ATXN1L: variants seen among roughly 807,000 people sequenced by gnomAD.
The protein encoded by ATXN1L is ataxin-1-like.
A neutral mutation model predicts 43.4 loss-of-function variants in ATXN1L; 8 were observed. The observed-to-expected ratio is 0.18, with a 90% CI of 0.11 to 0.33. ATXN1L has a LOEUF of 0.33. ATXN1L is among the 10% of genes least tolerant of loss of function. The pLI, the probability that ATXN1L is intolerant of heterozygous loss-of-function variation, is 1.00. For synonymous variants in ATXN1L, 379 were observed against 360.6 expected (o/e 1.05, Z -0.58); for missense variants, 856 against 885.4 (o/e 0.97, Z 0.42).
rs1282237029 is a variant in ATXN1L, at chr16:71,852,543, T to C, written c.*733T>C. On this transcript the variant is annotated 3_prime_UTR_variant, in exon 3 of 3. Coordinates refer to ENST00000427980, the MANE Select transcript of ATXN1L (RefSeq NM_001137675.4). The stretch of plus-strand genomic sequence containing the variant: ...CTTGCCAGGGACTCAGTCAGGGGAC[T>C]TTGGGAGAAAGACTTGATAGCCAGG... The C allele has an allele frequency of 3.0e-5, 5 of 167,172 alleles. No individual in the cohort carries two copies. The highest frequency in any genetic ancestry group is 1.2e-4 in the African/African-American group (5 of 41,448). The allele number at this position is 167,172 out of a possible 1,614,324, so 10.4% of individuals were successfully genotyped here.
Position 71,853,128 on chromosome 16 carries a change from C to T in ATXN1L, c.*1318C>T, listed in dbSNP as rs1213412682. The T allele has an allele frequency of 6.0e-6, 1 of 167,186 alleles. No homozygotes were observed. Among genetic ancestry groups the T allele is most frequent in the African/African-American group, 2.4e-5 (1 of 41,460 alleles). 10.4% of individuals were successfully genotyped at this position (167,186 alleles called of 1,614,324 possible). A position where few individuals can be genotyped will look rare whatever the true frequency, so the allele number is the denominator to read the frequency against. ...CATTCTGGTGCCTCCAAGCCATCCC[C>T]TCCCACCACCAGCTCTAAGATTCTA... On this transcript the variant is annotated 3_prime_UTR_variant, in exon 3 of 3. Coordinates refer to ENST00000427980, the MANE Select transcript of ATXN1L (RefSeq NM_001137675.4).
chr16:71,855,793 T>G lies in ATXN1L; in HGVS notation c.*3983T>G, dbSNP rs1472463316. The G allele has an allele frequency of 3.0e-5, 5 of 167,058 alleles. No individual in the cohort carries two copies. Among genetic ancestry groups the G allele is most frequent in the Admixed American group, 2.6e-4 (4 of 15,274 alleles). The allele number at this position is 167,058 out of a possible 1,614,324, so 10.3% of individuals were successfully genotyped here. A position where few individuals can be genotyped will look rare whatever the true frequency, so the allele number is the denominator to read the frequency against. ...GACATCTTGGCCTCCTAGGCTAAGT[T>G]TACTAAACCACACTGAAGCTATAGT... On this transcript the variant is annotated 3_prime_UTR_variant, in exon 3 of 3. Coordinates refer to ENST00000427980, the MANE Select transcript of ATXN1L (RefSeq NM_001137675.4).
In ATXN1L at chr16:71,846,213, A is replaced by G. The variant is rs1597109306; in HGVS notation, c.-180+109A>G. 1.9e-5 allele frequency: 3 copies of G among 156,382 alleles called. No individual in the cohort carries two copies. In the South Asian group the frequency reaches 4.8e-4, roughly 25 times the overall value. 9.7% of individuals were successfully genotyped at this position (156,382 alleles called of 1,614,324 possible). A position where few individuals can be genotyped will look rare whatever the true frequency, so the allele number is the denominator to read the frequency against. On this transcript the variant is annotated intron_variant, in intron 1 of 2. Transcript: ENST00000427980. ...TTGCTCCGGCGGGCCGGGGCCCATG[A>G]ACCGTGGACAGACGGAGGGGAGAGG...
In ATXN1L at chr16:71,856,499, G is replaced by A. The variant is rs1053672814; in HGVS notation, c.*4689G>A. ...TTTACACCCACCCCCTGGGCAGGGAGTTTGCACGTAGTTGTGAGCTGTGAG... is the reference window on the plus strand; with the variant it reads ...TTTACACCCACCCCCTGGGCAGGGAATTTGCACGTAGTTGTGAGCTGTGAG... On this transcript the variant is annotated 3_prime_UTR_variant, in exon 3 of 3. Coordinates refer to ENST00000427980, the MANE Select transcript of ATXN1L (RefSeq NM_001137675.4). 1 of 167,292 alleles carries A rather than the reference G, an allele frequency of 6.0e-6. No homozygotes were observed. The highest frequency in any genetic ancestry group is 6.5e-5 in the Admixed American group (1 of 15,304). 10.4% of individuals were successfully genotyped at this position (167,292 alleles called of 1,614,324 possible).
chr16:71,849,012 C>T (rs1169436731), intron 2 of ATXN1L, among the ~76,000 whole-genome samples: 4 of 151,746 alleles, frequency 2.6e-5, no homozygotes, highest in African/African-American at 4.8e-5. Context: ...GGCAGGCGTT[C>T]GAGACTAGCC....
In ATXN1L at chr16:71,849,763, G is replaced by A. The variant is rs370166513; in HGVS notation, c.23G>A (p.Ser8Asn). 2.8e-5 allele frequency: 42 copies of A among 1,522,950 alleles called. No individual in the cohort carries two copies. In the East Asian group the frequency reaches 7.6e-4, roughly 28 times the overall value. The allele number at this position is 1,522,950 out of a possible 1,614,324, so 94.3% of individuals were successfully genotyped here. The change falls in exon 3 of 3, where the codon AGT becomes AAT. Residue 8 changes from serine to asparagine, a missense_variant. Transcript: ENST00000427980. MKPVHER[S>N]QECLPPKKRD... ...AATATGAAACCTGTTCATGAAAGGA[G>A]TCAGGAATGCCTTCCACCAAAGAAA...
chr16:71,847,427 T>C (rs1256899340), intron 1 of ATXN1L, among the ~76,000 whole-genome samples: 2 of 152,000 alleles, frequency 1.3e-5, no homozygotes, highest in South Asian at 2.1e-4. Flanking sequence ...CACACACACA[T>C]ATGCTCATTT....
At chr16:71,848,335 A>G (rs961774171) in intron 2 of ATXN1L, 7 of 246,868 alleles carry the variant, frequency 2.8e-5, no homozygotes, top group East Asian at 1.3e-4. Context: ...AGATACGGGG[A>G]AAAAAACAGG....
rs1464740230 is a variant in ATXN1L, at chr16:71,851,632, G to T, written c.1892G>T (p.Gly631Val). ...GGGAAGAGCCAGCCGGCAGGAGAGG[G>T]CTCCCGTGTGGTAGAGCCTTCCCAG... The part of the protein sequence containing the change: ...SEGKSQPAGE[G>V]SRVVEPSQPE... Residue 631 changes from glycine (G) to valine (V), a missense_variant, in exon 3 of 3, where the codon GGC becomes GTC. Physicochemically the swap from Gly to Val is moderately radical, Grantham distance 109 (BLOSUM62 -3). Transcript: ENST00000427980. The surrounding 1 kb of genome is among the most constrained non-coding windows in gnomAD (Gnocchi z 4.9). The T allele has an allele frequency of 6.5e-7, 1 of 1,535,274 alleles. No individual in the cohort carries two copies. The highest frequency in any genetic ancestry group is 1.4e-5 in the African/African-American group (1 of 72,760).
In ATXN1L at chr16:71,853,047, T is replaced by C. The variant is rs180775544; in HGVS notation, c.*1237T>C. The stretch of plus-strand genomic sequence containing the variant: ...ATGCGTGGCTGGGCAGTGCCCATCA[T>C]GGCATTTTCACATGTCCCATATGCC... On this transcript the variant is annotated 3_prime_UTR_variant, in exon 3 of 3. Transcript: ENST00000427980. 26 of 167,288 alleles carry C rather than the reference T, an allele frequency of 1.6e-4. No individual in the cohort carries two copies. Among genetic ancestry groups the C allele is most frequent in the African/African-American group, 6.0e-4 (25 of 41,588 alleles). 10.4% of individuals were successfully genotyped at this position (167,288 alleles called of 1,614,324 possible). A position where few individuals can be genotyped will look rare whatever the true frequency, so the allele number is the denominator to read the frequency against.
In ATXN1L at chr16:71,851,700, C is replaced by CA; in HGVS notation, c.1963dup (p.Arg655LysfsTer28). 1 of 1,489,140 alleles carries CA rather than the reference C, an allele frequency of 6.7e-7. No homozygotes were observed. The highest frequency in any genetic ancestry group is 9.0e-7 in the Non-Finnish European group (1 of 1,114,634). The allele number at this position is 1,489,140 out of a possible 1,614,324, so 92.2% of individuals were successfully genotyped here. On this transcript the variant is annotated frameshift_variant, in exon 3 of 3. Transcript: ENST00000427980. LOFTEE classifies it high-confidence loss of function. This position sits in a 1 kb window ranked among gnomAD's most constrained non-coding sequence, Gnocchi z 4.9. Reference sequence around the variant, plus strand: ...GGCCTGCTGGCCAGCCCCGAGCTTCCAAAGATACAGCATGCAAGGGGAGGA... The same window carrying CA: ...GGCCTGCTGGCCAGCCCCGAGCTTCCAAAAGATACAGCATGCAAGGGGAGGA...
In ATXN1L at chr16:71,849,896, T is replaced by A; in HGVS notation, c.156T>A (p.Ala52=). ...ASEWSRGVVV[A]GQSQAGARVS... The stretch of plus-strand genomic sequence containing the variant: ...AATGGTCCCGAGGGGTTGTGGTGGC[T>A]GGGCAGAGCCAGGCAGGAGCCAGAG... Residue 52 remains alanine (A), a synonymous_variant, in exon 3 of 3, where the codon GCT becomes GCA. Coordinates refer to ENST00000427980, the MANE Select transcript of ATXN1L (RefSeq NM_001137675.4). 1.3e-6 allele frequency: 2 copies of A among 1,551,182 alleles called. No individual in the cohort carries two copies. The highest frequency in any genetic ancestry group is 2.4e-5 in the South Asian group (2 of 84,026).
rs2033508734 is a variant in ATXN1L, at chr16:71,851,958, A to G, written c.*148A>G. 4 of 925,166 alleles carry G rather than the reference A, an allele frequency of 4.3e-6. No homozygotes were observed. The highest frequency in any genetic ancestry group is 6.0e-6 in the Non-Finnish European group (4 of 664,028). The allele number at this position is 925,166 out of a possible 1,614,324, so 57.3% of individuals were successfully genotyped here. A position where few individuals can be genotyped will look rare whatever the true frequency, so the allele number is the denominator to read the frequency against. On this transcript the variant is annotated 3_prime_UTR_variant, in exon 3 of 3. Transcript: ENST00000427980. The surrounding 1 kb of genome is among the most constrained non-coding windows in gnomAD (Gnocchi z 4.9). ...AGGGGAGGCATGAAGTCAGCCTCCC[A>G]AGGCAGGATCTGTTGTTCATTACCC...
In ATXN1L at chr16:71,849,919, G is replaced by T. The variant is rs904623978; in HGVS notation, c.179G>T (p.Arg60Ile). 1 of 1,551,058 alleles carries T rather than the reference G, an allele frequency of 6.4e-7. No homozygotes were observed. The highest frequency in any genetic ancestry group is 1.4e-5 in the African/African-American group (1 of 73,020). Residue 60 changes from arginine (R) to isoleucine (I), a missense_variant, in exon 3 of 3, where the codon AGA becomes ATA. Coordinates refer to ENST00000427980, the MANE Select transcript of ATXN1L (RefSeq NM_001137675.4). ...GCTGGGCAGAGCCAGGCAGGAGCCA[G>T]AGTCAGCCTGGGGGGTGATGGAGCT... ...VVAGQSQAGA[R>I]VSLGGDGAEA...
Position 71,851,887 on chromosome 16 carries a change from C to T in ATXN1L, c.*77C>T. On this transcript the variant is annotated 3_prime_UTR_variant, in exon 3 of 3. Coordinates refer to ENST00000427980, the MANE Select transcript of ATXN1L (RefSeq NM_001137675.4). This position sits in a 1 kb window ranked among gnomAD's most constrained non-coding sequence, Gnocchi z 4.9. The stretch of plus-strand genomic sequence containing the variant: ...GCCGTGAGCAGGCAGAGGATTTGCA[C>T]ACGCCGAGCAGGGAATGGCTTTCTT... The T allele has an allele frequency of 7.4e-7, 1 of 1,354,220 alleles. No individual in the cohort carries two copies. The highest frequency in any genetic ancestry group is 1.5e-5 in the African/African-American group (1 of 68,236). The allele number at this position is 1,354,220 out of a possible 1,614,324, so 83.9% of individuals were successfully genotyped here. A position where few individuals can be genotyped will look rare whatever the true frequency, so the allele number is the denominator to read the frequency against.
At position 71,856,076 on chromosome 16, in the gene ATXN1L, A is replaced by G. The variant is rs2033548311; in HGVS notation, c.*4266A>G. On this transcript the variant is annotated 3_prime_UTR_variant, in exon 3 of 3. Transcript: ENST00000427980. ...GCCTAGGATGACACTGGCCCCAGAG[A>G]TGCTAGAGTCGACTGCACTCTCTCC... 6.0e-6 allele frequency: 1 copy of G among 167,078 alleles called. No homozygotes were observed. The highest frequency in any genetic ancestry group is 6.5e-5 in the Admixed American group (1 of 15,282). The allele number at this position is 167,078 out of a possible 1,614,324, so 10.3% of individuals were successfully genotyped here.
chr16:71,850,090 T>G lies in ATXN1L; in HGVS notation c.350T>G (p.Ile117Ser). The change falls in exon 3 of 3, where the codon ATT becomes AGT. Residue 117 changes from isoleucine (I) to serine (S), a missense_variant. By Grantham distance (142) the Ile-to-Ser change is moderately radical. Coordinates refer to ENST00000427980, the MANE Select transcript of ATXN1L (RefSeq NM_001137675.4). ...PPTFNVASSLIQHPGIHYPPL... is the reference protein window; with the variant it reads ...PPTFNVASSLSQHPGIHYPPL... ...ACGTTTAATGTAGCGTCTTCACTAA[T>G]TCAACATCCAGGCATCCACTATCCT... The G allele has an allele frequency of 3.2e-6, 5 of 1,551,696 alleles. No homozygotes were observed. The highest frequency in any genetic ancestry group is 3.5e-6 in the Non-Finnish European group (4 of 1,146,988).
At position 71,850,500 on chromosome 16, in the gene ATXN1L, C is replaced by G; in HGVS notation, c.760C>G (p.Leu254Val). The stretch of plus-strand genomic sequence containing the variant: ...CCCTCCAGCAGGTGCCAGCCCAGTT[C>G]TTACCCCTCAGGAGAGCCAGTCTGC... Reference protein sequence around the residue: ...ETPPAGASPVLTPQESQSALE... With the variant: ...ETPPAGASPVVTPQESQSALE... Residue 254 changes from leucine to valine, a missense_variant, in exon 3 of 3, where the codon CTT becomes GTT. This residue lies in a region of ATXN1L where 490 missense variants were observed against 449.4 expected (regional missense o/e 1.09). Transcript: ENST00000427980. 1.2e-5 allele frequency: 18 copies of G among 1,551,742 alleles called. No individual in the cohort carries two copies. The highest frequency in any genetic ancestry group is 1.5e-5 in the Non-Finnish European group (17 of 1,146,998).
rs1302026068 is a variant in ATXN1L, at chr16:71,851,858, C to T, written c.*48C>T. ...GGGGCTTTACCCCAGAGCCTCGCCT[C>T]GCCGCCGTGAGCAGGCAGAGGATTT... On this transcript the variant is annotated 3_prime_UTR_variant, in exon 3 of 3. Transcript: ENST00000427980. This position sits in a 1 kb window ranked among gnomAD's most constrained non-coding sequence, Gnocchi z 4.9. 15 of 1,374,544 alleles carry T rather than the reference C, an allele frequency of 1.1e-5. No individual in the cohort carries two copies. In the African/African-American group the frequency reaches 1.2e-4, roughly 11 times the overall value. 85.1% of individuals were successfully genotyped at this position (1,374,544 alleles called of 1,614,324 possible). A position where few individuals can be genotyped will look rare whatever the true frequency, so the allele number is the denominator to read the frequency against.
Sources: gnomAD v4.1 joint callset for allele counts (sites outside exome capture counted in the v4.1 genomes callset) on GRCh38, gnomAD v4.1.1 for gene constraint, gnomAD v4.1.1 regional missense constraint, Gnocchi (gnomAD v3.1) non-coding constraint, MANE v1.5 for transcripts, NCBI Gene and HGNC (gene_info 2026-07-23, HGNC 2026-07-21) for gene names.